Variants in IL17REL observed in about 807,000 individuals in gnomAD.
The protein encoded by IL17REL is interleukin-17 receptor E-like protein.
Under a neutral mutation model 49.0 loss-of-function variants are expected in IL17REL, and 36 were observed. The observed-to-expected ratio is 0.73, with a 90% CI of 0.56 to 0.97. The LOEUF is 0.97. Among genes scored for constraint, IL17REL ranks in the 50% least tolerant of loss-of-function variants. The probability of loss-of-function intolerance (pLI) is 0.00; values close to 1 mark genes in which losing one functional copy is unlikely to be tolerated. For missense variants in IL17REL, 470 were observed against 453.9 expected (o/e 1.04, Z -0.32); for synonymous variants, 206 against 192.4 (o/e 1.07, Z -0.58).
intron 1 of IL17REL, among the ~76,000 whole-genome samples, chr22:50,008,334 G>A (rs139626737): frequency 6.6e-6 from 1 of 152,198 alleles, no homozygotes; most frequent in Non-Finnish European, 1.5e-5. Flanking sequence ...AGGAGACGGG[G>A]TTTTCCACCT....
chr22:49,997,168 C>G, intron 11 of IL17REL, 94 bp from the exon 14 acceptor site: 1 of 1,414,918 alleles, frequency 7.1e-7, no homozygotes, highest in Non-Finnish European at 9.7e-7. Context: ...ACCCACAAAG[C>G]AGGGCTGGCC....
At chr22:50,007,273 T>A (rs1320386179) in intron 1 of IL17REL, among the ~76,000 whole-genome samples, 1 of 152,118 alleles carries the variant, frequency 6.6e-6, no homozygotes, top group Non-Finnish European at 1.5e-5. Flanking sequence ...TGCGTAGGTT[T>A]ATGAGCTGTC....
At chr22:49,993,787 G>A (rs1407168912), downstream of IL17REL, among the ~76,000 whole-genome samples, 1 of 152,136 alleles carries the variant, frequency 6.6e-6, no homozygotes, top group Admixed American at 6.5e-5. The surrounding 1 kb of genome is among the most constrained non-coding windows in gnomAD (Gnocchi z 6.0). Context: ...CCACCTCCAC[G>A]GTGGCCAGGA....
chr22:50,001,072 C>T lies in IL17REL; in HGVS notation c.109+10G>A, dbSNP rs763992456. ...GGGTGTTAACTCCCACCCTCGAGGC[C>T]ACCTCTCACCATGCAGGGTGATGGA... On this transcript the variant is annotated intron_variant, in intron 2 of 12. Transcript: ENST00000341280. 14 of 1,567,722 alleles carry T rather than the reference C, an allele frequency of 8.9e-6. No homozygotes were observed. The South Asian group carries it at 1.6e-4, about 18-fold the overall frequency.
downstream of IL17REL, among the ~76,000 whole-genome samples, chr22:49,991,994 C>T (rs193295410): frequency 2.0e-5 from 3 of 152,220 alleles, no homozygotes; most frequent in Admixed American, 2.0e-4. Flanking sequence ...AAAAGTGGGA[C>T]AATTCAAATT....
chr22:50,002,041 CA>C lies in IL17REL; in HGVS notation c.-41-811del, dbSNP rs2061082855. ...GGGTAACTGGGGGTGAAGGGAGAAG[CA>C]AAAGAACAGCAGGTGCAGCCAGTTC... On this transcript the variant is annotated intron_variant, in intron 1 of 12. Coordinates refer to ENST00000341280, the Ensembl canonical transcript of IL17REL. 2.0e-5 allele frequency among the ~76,000 whole-genome samples: 3 copies of C among 152,180 alleles called. No homozygotes were observed. The South Asian group carries it at 6.2e-4, about 32-fold the overall frequency.
At chr22:49,998,416 A>G in intron 7 of IL17REL, 107 bp from the exon 10 acceptor site, 1 of 760,744 alleles carries the variant, frequency 1.3e-6, no homozygotes, top group Non-Finnish European at 1.9e-6. Context: ...GGTCCAGCGC[A>G]GTCCTATGGG....
chr22:49,999,267 C>T, intron 7 of IL17REL, 24 bp downstream of exon 9: 2 of 1,612,870 alleles, frequency 1.2e-6, no homozygotes, highest in Non-Finnish European at 1.7e-6. Flanking sequence ...ACCCTTCCGC[C>T]CGTTGGCATC....
chr22:49,999,671 C>CG (rs1477286342), intron 5 of IL17REL, among the ~76,000 whole-genome samples, 157 bp downstream of exon 7: 6 of 102,610 alleles, frequency 5.8e-5, no homozygotes, highest in Middle Eastern at 4.4e-3. Context: ...TGGCCGGGGG[C>CG]GGGGCGCGGA....
At position 50,006,970 on chromosome 22, in the gene IL17REL, A is replaced by AG. The variant is rs200727003; in HGVS notation, c.-42+1666_-42+1667insC. Among the ~76,000 whole-genome samples, 296 of 151,312 alleles carry AG rather than the reference A, an allele frequency of 2.0e-3. 6 individuals carry two copies. In the East Asian group the frequency reaches 0.044, roughly 22 times the overall value. On this transcript the variant is annotated intron_variant, in intron 1 of 12. Coordinates refer to ENST00000341280, the Ensembl canonical transcript of IL17REL. ...ACTCTGTCTCAAAAAAAAAAAAAAA[A>AG]AGGGAGGGGATGTTAAACTAAAAAA...
intron 1 of IL17REL, among the ~76,000 whole-genome samples, chr22:50,002,271 C>T (rs1283484251): frequency 6.6e-6 from 1 of 152,226 alleles, no homozygotes; most frequent in Non-Finnish European, 1.5e-5. Context: ...CTGCTTGCTT[C>T]GGCCTGCTCC....
intron 1 of IL17REL, among the ~76,000 whole-genome samples, chr22:50,003,519 CAAAAAAAAAAAAAA>C (rs142337526): frequency 1.5e-4 from 6 of 39,080 alleles, no homozygotes; most frequent in African/African-American, 5.7e-4. Context: ...GACTCCATCT[CAAAAAAAAAAAAAA>C]AAAAAAAAAA....
At chr22:50,011,522 C>G (rs1176295806), upstream of IL17REL, among the ~76,000 whole-genome samples, 1 of 151,932 alleles carries the variant, frequency 6.6e-6, no homozygotes, top group African/African-American at 2.4e-5. Flanking sequence ...AGGCAAAAGT[C>G]GATTCTGAGG....
intron 5 of IL17REL, 75 bp downstream of exon 7, chr22:49,999,753 A>C: frequency 8.6e-7 from 1 of 1,159,538 alleles, no homozygotes; most frequent in Non-Finnish European, 1.1e-6. Context: ...GGCGGGGCCT[A>C]AGGCTGACCG....
At chr22:49,997,343 C>T (rs1287589660) in exon 11 of IL17REL, 3 of 1,613,610 alleles carry the variant, frequency 1.9e-6, no homozygotes, top group Non-Finnish European at 8.5e-7. Context: ...AGCGGGCTGG[C>T]CTGGAGTGTG....
chr22:49,993,698 G>A (rs904496263), downstream of IL17REL, among the ~76,000 whole-genome samples: 2 of 152,194 alleles, frequency 1.3e-5, no homozygotes, highest in African/African-American at 4.8e-5. The surrounding 1 kb of genome is among the most constrained non-coding windows in gnomAD (Gnocchi z 6.0). Context: ...TCCCCCATCT[G>A]TGGAAGGCTT....
intron 1 of IL17REL, among the ~76,000 whole-genome samples, chr22:50,003,555 GATCACAC>G (rs2061090722): frequency 6.8e-6 from 1 of 147,118 alleles, no homozygotes; most frequent in Non-Finnish European, 1.5e-5. Flanking sequence ...GCTGGGCATG[GATCACAC>G]CTGTATTCCC....
chr22:50,000,418 C>T (rs2061070813), intron 4 of IL17REL, 60 bp downstream of exon 5: 2 of 1,339,514 alleles, frequency 1.5e-6, no homozygotes, highest in Non-Finnish European at 2.1e-6. Context: ...CAAGTCCCAC[C>T]CCAAGCCAGG....
At chr22:50,011,142 C>T (rs2061139112), upstream of IL17REL, among the ~76,000 whole-genome samples, 1 of 151,912 alleles carries the variant, frequency 6.6e-6, no homozygotes, top group South Asian at 2.1e-4. Context: ...CTCCAGCTTC[C>T]CGCTCCTCTT....
Sources: gnomAD v4.1 joint callset for allele counts (sites outside exome capture counted in the v4.1 genomes callset) on GRCh38, gnomAD v4.1.1 for gene constraint, Gnocchi (gnomAD v3.1) non-coding constraint, MANE v1.5 for transcripts, NCBI Gene and HGNC (gene_info 2026-07-23, HGNC 2026-07-21) for gene names.